GBA2: variants seen among roughly 807,000 people sequenced by gnomAD.
GBA2 encodes the protein glucosylceramidase beta 2.
Under a neutral mutation model 112.9 loss-of-function variants are expected in GBA2, and 79 were observed. The ratio of observed to expected loss-of-function variants is 0.70; its 90% CI spans 0.58 to 0.84. The LOEUF is 0.84. Among genes scored for constraint, GBA2 ranks in the 40% least tolerant of loss-of-function variants. The pLI is 0.00. For synonymous variants in GBA2, 403 were observed against 434.3 expected, an observed-to-expected ratio of 0.93 and a Z score of 0.90; for missense variants, 1,043 against 1,190.0, an observed-to-expected ratio of 0.88 and a Z score of 1.82.
intron 3 of GBA2, chr9:35,743,230 C>T (rs532830776): frequency 1.3e-5 from 2 of 153,764 alleles, no homozygotes; most frequent in Non-Finnish European, 2.9e-5. Flanking sequence ...AAGCTCTTCA[C>T]CCCAGAAAGA....
chr9:35,742,824 T>C (rs1202022442), intron 3 of GBA2, among the ~76,000 whole-genome samples: 1 of 152,216 alleles, frequency 6.6e-6, no homozygotes, highest in African/African-American at 2.4e-5. Flanking sequence ...GGGATTAATA[T>C]CCCTTTCCCT....
In GBA2 at chr9:35,737,799, A is replaced by G. The variant is rs747616868; in HGVS notation, c.2454T>C (p.Asp818=). The G allele has an allele frequency of 5.6e-6, 9 of 1,613,958 alleles. No homozygotes were observed. The highest frequency in any genetic ancestry group is 7.6e-6 in the Non-Finnish European group (9 of 1,179,990). ...GVPDKSSVQS[D]EVWVGVVYGL... is the part of the protein sequence containing the mutation. ...CGTAGACCACACCCACCCAGACTTCATCAGACTGCACACTGGATTTATCAG... is the reference window on the plus strand; with the variant it reads ...CGTAGACCACACCCACCCAGACTTCGTCAGACTGCACACTGGATTTATCAG... Residue 818 remains aspartate (D), a synonymous_variant, in exon 16 of 17, where the codon GAT becomes GAC. Coordinates refer to ENST00000378103, the MANE Select transcript of GBA2 (RefSeq NM_020944.3). The surrounding 1 kb of genome is among the most constrained non-coding windows in gnomAD (Gnocchi z 4.1).
chr9:35,745,545 C>CTTT (rs534174969), intron 1 of GBA2, among the ~76,000 whole-genome samples: 2 of 132,922 alleles, frequency 1.5e-5, no homozygotes, highest in African/African-American at 5.5e-5. Context: ...CCTCTCAAGC[C>CTTT]TTTTTTTTTT....
rs968428603 is a variant in GBA2 at position 35,748,792 on chromosome 9, T to C, written c.-88A>G. The C allele has an allele frequency of 2.5e-6, 2 of 814,084 alleles. No homozygotes were observed. The highest frequency in any genetic ancestry group is 2.4e-5 in the Admixed American group (1 of 41,938). The allele number at this position is 814,084 out of a possible 1,614,324, so 50.4% of individuals were successfully genotyped here. ...TGCGGGCGCCGGTCGTTGTTAGGTA[T>C]CGTCCCGGAGGGCCGGGCGTTGGGG... On this transcript the variant is annotated 5_prime_UTR_variant, in exon 1 of 17. Transcript: ENST00000378103.
chr9:35,739,861 T>G, intron 8 of GBA2, 61 bp from the exon 9 acceptor site: 1 of 1,576,078 alleles, frequency 6.3e-7, no homozygotes, highest in Non-Finnish European at 8.7e-7. Flanking sequence ...TGGAAAGGAT[T>G]TGGGGGTTCA....
In GBA2 at chr9:35,737,940, CT is replaced by C; in HGVS notation, c.2314-2del. ...GGACCACATGTTGGGTAGGAAACAC[CT>C]GGAGGGGCAAGGGCAGGAACATGGT... On this transcript the variant is annotated splice_acceptor_variant, in intron 15 of 16. Transcript: ENST00000378103. LOFTEE classifies it high-confidence loss of function. The surrounding 1 kb of genome is among the most constrained non-coding windows in gnomAD (Gnocchi z 4.1). 6.2e-7 allele frequency: 1 copy of C among 1,609,620 alleles called. No homozygotes were observed. The highest frequency in any genetic ancestry group is 8.5e-7 in the Non-Finnish European group (1 of 1,178,098).
chr9:35,741,338 T>G lies in GBA2; in HGVS notation c.787-274A>C. 1.9e-6 allele frequency: 1 copy of G among 513,752 alleles called. No homozygotes were observed. The allele number at this position is 513,752 out of a possible 1,614,324, so 31.8% of individuals were successfully genotyped here. A position where few individuals can be genotyped will look rare whatever the true frequency, so the allele number is the denominator to read the frequency against. ...GCCATGCAGTTTCTTTTTTTTTTTT[T>G]TTGGGGGGTGCGGTGGCGCAATCTC... On this transcript the variant is annotated intron_variant, in intron 4 of 16. Transcript: ENST00000378103. This position sits in a 1 kb window ranked among gnomAD's most constrained non-coding sequence, Gnocchi z 4.6.
At position 35,740,895 on chromosome 9, in the gene GBA2, A is replaced by C. The variant is rs1213945385; in HGVS notation, c.956T>G (p.Val319Gly). The change falls in exon 5 of 17, where the codon GTC becomes GGC. Residue 319 changes from valine (V) to glycine (G), a missense_variant. Transcript: ENST00000378103. The surrounding 1 kb of genome is among the most constrained non-coding windows in gnomAD (Gnocchi z 4.7). ...TGGATGATGCAGGAGCAGCCCCCGGACAGTTTCCCCGCTACGCTCCAGACA... is the reference window on the plus strand; with the variant it reads ...TGGATGATGCAGGAGCAGCCCCCGGCCAGTTTCCCCGCTACGCTCCAGACA... ...PFCLERSGET[V>G]RGLLLHHPTL... 6.2e-7 allele frequency: 1 copy of C among 1,613,742 alleles called. No individual in the cohort carries two copies. The highest frequency in any genetic ancestry group is 2.2e-5 in the East Asian group (1 of 44,848).
At position 35,748,875 on chromosome 9, in the gene GBA2, C is replaced by T. The variant is rs193120799; in HGVS notation, c.-171G>A. On this transcript the variant is annotated 5_prime_UTR_variant, in exon 1 of 17. Transcript: ENST00000378103. ...CGGGGAGCTCTTGCTTCAGTGGGGG[C>T]GGCGACAGCAAAGAAGCCGCCTTGG... The T allele has an allele frequency of 9.2e-6, 5 of 543,450 alleles. No homozygotes were observed. The highest frequency in any genetic ancestry group is 5.7e-5 in the African/African-American group (3 of 52,734). 33.7% of individuals were successfully genotyped at this position (543,450 alleles called of 1,614,324 possible). A position where few individuals can be genotyped will look rare whatever the true frequency, so the allele number is the denominator to read the frequency against.
rs762389870 is a variant in GBA2 at position 35,739,849 on chromosome 9, G to A, written c.1410-49C>T. The A allele has an allele frequency of 8.9e-6, 14 of 1,580,936 alleles. No homozygotes were observed. In the East Asian group the frequency reaches 3.1e-4, roughly 35 times the overall value. On this transcript the variant is annotated intron_variant, in intron 8 of 16. Transcript: ENST00000378103. ...GGTTTAAGGAACATGTACCTCCCAA[G>A]ATGGAAAGGATTTGGGGGTTCAGCA... is the stretch of plus-strand genomic sequence containing the variant.
chr9:35,739,937 CGAG>C, intron 8 of GBA2, 58 bp downstream of exon 8: 1 of 1,595,536 alleles, frequency 6.3e-7, no homozygotes. Context: ...GAGAGTAAAT[CGAG>C]GAGTCCCATT....
At position 35,739,680 on chromosome 9, in the gene GBA2, CAT is replaced by C. The variant is rs779331792; in HGVS notation, c.1528_1529del (p.Met510ValfsTer17). On this transcript the variant is annotated frameshift_variant, in exon 9 of 17. Coordinates refer to ENST00000378103, the MANE Select transcript of GBA2 (RefSeq NM_020944.3). LOFTEE classifies it high-confidence loss of function. Reference sequence around the variant, plus strand: ...CCCGTAGGGTGGGGCGGAGGTGACACATGTTTCTGCCCAGCTCCTCTGGTAGG... The same window carrying C: ...CCCGTAGGGTGGGGCGGAGGTGACACGTTTCTGCCCAGCTCCTCTGGTAGG... Reference protein sequence around the residue: ...DSLPEELGRNMCHLRPTLRDY... With the variant: ...DSLPEELGRNXCHLRPTLRDY... 2.0e-5 allele frequency: 33 copies of C among 1,614,008 alleles called. No homozygotes were observed. The highest frequency in any genetic ancestry group is 2.7e-5 in the African/African-American group (2 of 74,914).
chr9:35,739,314 C>T lies in GBA2; in HGVS notation c.1687+1G>A, dbSNP rs765643285. On this transcript the variant is annotated splice_donor_variant, in intron 10 of 16. Transcript: ENST00000378103. LOFTEE classifies it high-confidence loss of function. The stretch of plus-strand genomic sequence containing the variant: ...AGAAGCGGCACAAAAGGGATCCTCA[C>T]CCATGTCATACTGTAGGCTGAGCTC... 6.3e-6 allele frequency: 10 copies of T among 1,593,168 alleles called. No individual in the cohort carries two copies. In the South Asian group the frequency reaches 9.9e-5, roughly 16 times the overall value.
Position 35,740,884 on chromosome 9 carries a change from G to A in GBA2, c.967C>T (p.Leu323Phe), listed in dbSNP as rs769905389. The A allele has an allele frequency of 2.5e-6, 4 of 1,613,608 alleles. No individual in the cohort carries two copies. In the Admixed American group the frequency reaches 6.7e-5, roughly 27 times the overall value. Residue 323 changes from leucine (L) to phenylalanine (F), a missense_variant, in exon 5 of 17, where the codon CTC (leucine) becomes TTC (phenylalanine). By Grantham distance (22) the Leu-to-Phe change is conservative. Coordinates refer to ENST00000378103, the MANE Select transcript of GBA2 (RefSeq NM_020944.3). This position sits in a 1 kb window ranked among gnomAD's most constrained non-coding sequence, Gnocchi z 4.7. ...ERSGETVRGL[L>F]LHHPTLPNPY... ...TTTGGAAGGGTTGGATGATGCAGGA[G>A]CAGCCCCCGGACAGTTTCCCCGCTA...
At chr9:35,738,977 A>G in intron 11 of GBA2, 25 bp downstream of exon 11, 2 of 1,607,378 alleles carry the variant, frequency 1.2e-6, no homozygotes, top group East Asian at 4.5e-5. Flanking sequence ...GAGGGAGGGA[A>G]GCTGACCTTG....
chr9:35,743,519 G>A (rs1253431224), intron 3 of GBA2, among the ~76,000 whole-genome samples: 3 of 152,204 alleles, frequency 2.0e-5, no homozygotes, highest in Non-Finnish European at 4.4e-5. Context: ...CTTGGGACAT[G>A]GGCAGGGCTG....
In GBA2 at chr9:35,737,672, G is replaced by A; in HGVS notation, c.2505+76C>T. 1 of 1,611,720 alleles carries A rather than the reference G, an allele frequency of 6.2e-7. No homozygotes were observed. ...ACAAGATGGCATTGGGTTATGCCTTGAAGAAATTTGGTGGTTGAGGAAGTT... is the reference window on the plus strand; with the variant it reads ...ACAAGATGGCATTGGGTTATGCCTTAAAGAAATTTGGTGGTTGAGGAAGTT... On this transcript the variant is annotated intron_variant, in intron 16 of 16. Transcript: ENST00000378103. The surrounding 1 kb of genome is among the most constrained non-coding windows in gnomAD (Gnocchi z 4.1).
intron 1 of GBA2, among the ~76,000 whole-genome samples, chr9:35,747,039 C>T (rs1252625930): frequency 6.6e-6 from 1 of 152,142 alleles, no homozygotes; most frequent in Non-Finnish European, 1.5e-5. Context: ...TTGGCCTTCT[C>T]CACAATTTCA....
chr9:35,738,711 C>T (rs199991178), intron 12 of GBA2, 41 bp downstream of exon 12: 68 of 1,611,488 alleles, frequency 4.2e-5, no homozygotes, highest in Admixed American at 4.0e-4. Context: ...AGACACCAAC[C>T]ATACCCCTGG....
Sources: gnomAD v4.1 joint callset for allele counts (sites outside exome capture counted in the v4.1 genomes callset) on GRCh38, gnomAD v4.1.1 for gene constraint, Gnocchi (gnomAD v3.1) non-coding constraint, MANE v1.5 for transcripts, NCBI Gene and HGNC (gene_info 2026-07-23, HGNC 2026-07-21) for gene names.